The following LRRC69 variants were observed in gnomAD, a reference collection of about 807,000 sequenced individuals.
LRRC69 encodes the protein leucine-rich repeat-containing protein 69.
A neutral mutation model predicts 37.8 loss-of-function variants in LRRC69; 42 were observed. That is an observed-to-expected ratio of 1.11 (90% CI 0.87 to 1.44). The LOEUF is 1.44. LRRC69 is among the 40% of genes most tolerant of loss of function. LRRC69 has a pLI of 0.00. For missense variants in LRRC69, 357 were observed against 401.9 expected, an observed-to-expected ratio of 0.89 and a Z score of 0.96; for synonymous variants, 141 against 143.1, an observed-to-expected ratio of 0.99 and a Z score of 0.11.
chr8:91,158,011 T>G (rs1808867193), intron 5 of LRRC69: 3 of 1,322,262 alleles, frequency 2.3e-6, no homozygotes, highest in Admixed American at 1.7e-5. Flanking sequence ...TACAACTTCA[T>G]GCAGATGTTG....
At chr8:91,167,184 C>T (rs1809045081) in intron 5 of LRRC69, among the ~76,000 whole-genome samples, 1 of 151,654 alleles carries the variant, frequency 6.6e-6, no homozygotes, top group Admixed American at 6.6e-5. Context: ...AAAGACATAC[C>T]CGAGACTGGG....
At chr8:91,216,500 A>G (rs1446828140) in intron 7 of LRRC69, among the ~76,000 whole-genome samples, 1 of 152,092 alleles carries the variant, frequency 6.6e-6, no homozygotes, top group East Asian at 1.9e-4. Flanking sequence ...GGCTCTATTA[A>G]TTGTTCAGGT....
intron 2 of LRRC69, among the ~76,000 whole-genome samples, chr8:91,126,497 C>T (rs1013078553): frequency 1.3e-5 from 2 of 151,986 alleles, no homozygotes; most frequent in Non-Finnish European, 2.9e-5. Context: ...AAAGATTTAG[C>T]AACACTGCAG....
intron 5 of LRRC69, among the ~76,000 whole-genome samples, chr8:91,137,916 CT>C (rs1239738536): frequency 3.9e-5 from 6 of 151,956 alleles, no homozygotes; most frequent in Non-Finnish European, 7.4e-5. Context: ...ACAAGCCATG[CT>C]TTTTGTGAAA....
chr8:91,199,852 A>G (rs942421938), intron 6 of LRRC69, among the ~76,000 whole-genome samples: 3 of 152,214 alleles, frequency 2.0e-5, no homozygotes, highest in African/African-American at 7.2e-5. Context: ...TATTTTTATT[A>G]AGATGATAGC....
intron 7 of LRRC69, among the ~76,000 whole-genome samples, chr8:91,205,063 A>G (rs1225639216): frequency 6.6e-6 from 1 of 152,208 alleles, no homozygotes; most frequent in African/African-American, 2.4e-5. Flanking sequence ...TTTGATATTG[A>G]CACAAGCCAA....
intron 1 of LRRC69, among the ~76,000 whole-genome samples, chr8:91,103,480 TG>T (rs924138869): frequency 1.3e-5 from 2 of 151,994 alleles, no homozygotes; most frequent in African/African-American, 4.8e-5. Context: ...TGCCTAACAA[TG>T]TGAAACTCTA....
chr8:91,142,779 AGG>A (rs1315419912), intron 5 of LRRC69, among the ~76,000 whole-genome samples: 5 of 152,066 alleles, frequency 3.3e-5, no homozygotes, highest in Non-Finnish European at 5.9e-5. Context: ...CTACACTGTC[AGG>A]ACTCCTTCTG....
At chr8:91,112,840 A>G (rs1380082885) in intron 1 of LRRC69, among the ~76,000 whole-genome samples, 1 of 152,032 alleles carries the variant, frequency 6.6e-6, no homozygotes, top group Non-Finnish European at 1.5e-5. Context: ...AGACTCAATA[A>G]AAAACCGTTA....
At chr8:91,121,141 C>T (rs1211249865) in intron 1 of LRRC69, among the ~76,000 whole-genome samples, 2 of 151,950 alleles carry the variant, frequency 1.3e-5, no homozygotes, top group East Asian at 3.9e-4. Flanking sequence ...ATCCACGTCT[C>T]TCCAGGTCCA....
chr8:91,139,704 GA>G (rs761879784), intron 5 of LRRC69, among the ~76,000 whole-genome samples: 3 of 151,908 alleles, frequency 2.0e-5, no homozygotes, highest in Non-Finnish European at 4.4e-5. Context: ...TGTGTTTTTA[GA>G]AAAGCCTGTT....
chr8:91,124,482 T>C lies in LRRC69; in HGVS notation c.184-11T>C. On this transcript the variant is annotated splice_polypyrimidine_tract_variant and intron_variant, in intron 1 of 7. Coordinates refer to ENST00000448384, the Ensembl canonical transcript of LRRC69. ...GATATATGAGTCCATTAAACCTCTA[T>C]ATGTTTGCAGTTGACAACACTAAAT... 2 of 1,522,166 alleles carry C rather than the reference T, an allele frequency of 1.3e-6. No homozygotes were observed. The highest frequency in any genetic ancestry group is 1.8e-6 in the Non-Finnish European group (2 of 1,135,058). The allele number at this position is 1,522,166 out of a possible 1,614,324, so 94.3% of individuals were successfully genotyped here. A position where few individuals can be genotyped will look rare whatever the true frequency, so the allele number is the denominator to read the frequency against.
chr8:91,202,596 G>A (rs1809730980), intron 7 of LRRC69, among the ~76,000 whole-genome samples: 1 of 152,184 alleles, frequency 6.6e-6, no homozygotes, highest in Non-Finnish European at 1.5e-5. Flanking sequence ...TAGGAACAGT[G>A]TGTATTAATG....
At chr8:91,217,742 C>T (rs1370497895) in intron 7 of LRRC69, among the ~76,000 whole-genome samples, 1 of 152,160 alleles carries the variant, frequency 6.6e-6, no homozygotes, top group Non-Finnish European at 1.5e-5. Flanking sequence ...GGATCCCAGA[C>T]AGGAAAAACC....
At chr8:91,175,427 T>C (rs1435971316) in intron 5 of LRRC69, among the ~76,000 whole-genome samples, 1 of 152,188 alleles carries the variant, frequency 6.6e-6, no homozygotes, top group Non-Finnish European at 1.5e-5. Context: ...CTCCAGTCCC[T>C]GACATAATAC....
chr8:91,193,767 C>G (rs1197795669), intron 6 of LRRC69, among the ~76,000 whole-genome samples: 1 of 142,316 alleles, frequency 7.0e-6, no homozygotes, highest in Non-Finnish European at 1.5e-5. Context: ...ATGGGGTTTT[C>G]TAGTTATACA....
chr8:91,113,106 G>T (rs1413753730), intron 1 of LRRC69, among the ~76,000 whole-genome samples: 1 of 151,916 alleles, frequency 6.6e-6, no homozygotes, highest in African/African-American at 2.4e-5. Flanking sequence ...TTCATAGATA[G>T]GAAGAATTAA....
At chr8:91,187,293 G>A (rs1809422386) in intron 5 of LRRC69, among the ~76,000 whole-genome samples, 1 of 152,100 alleles carries the variant, frequency 6.6e-6, no homozygotes, top group South Asian at 2.1e-4. Context: ...GTCACTCAAT[G>A]AGTCATTAAG....
At chr8:91,207,265 A>C (rs952298622) in intron 7 of LRRC69, among the ~76,000 whole-genome samples, 4 of 152,206 alleles carry the variant, frequency 2.6e-5, no homozygotes, top group African/African-American at 9.6e-5. Context: ...AAATGGCAAT[A>C]ATAATAATAC....
Sources: gnomAD v4.1 joint callset for allele counts (sites outside exome capture counted in the v4.1 genomes callset) on GRCh38, gnomAD v4.1.1 for gene constraint, MANE v1.5 for transcripts, NCBI Gene and HGNC (gene_info 2026-07-23, HGNC 2026-07-21) for gene names.